Variants in FNDC3A observed in about 807,000 individuals in gnomAD.
FNDC3A encodes the protein fibronectin type III domain containing 3A.
Under a neutral mutation model 148.9 loss-of-function variants are expected in FNDC3A, and 32 were observed. The ratio of observed to expected loss-of-function variants is 0.21; its 90% CI spans 0.16 to 0.29. FNDC3A has a LOEUF of 0.29. FNDC3A is among the 10% of genes least tolerant of loss of function. FNDC3A has a pLI of 1.00. For synonymous variants in FNDC3A, 472 were observed against 473.6 expected (o/e 1.00, Z 0.04); for missense variants, 1,191 against 1,452.8 (o/e 0.82, Z 2.93).
At chr13:49,063,615 C>T (rs1877050019) in intron 2 of FNDC3A, among the ~76,000 whole-genome samples, 1 of 152,066 alleles carries the variant, frequency 6.6e-6, no homozygotes, top group African/African-American at 2.4e-5. Context: ...ATACATTATT[C>T]CTTGTATCAC....
Position 49,174,514 on chromosome 13 carries a change from T to G in FNDC3A, c.1310T>G (p.Met437Arg). ...QFKITKLSPA[M>R]GCKFRLSARN... The stretch of plus-strand genomic sequence containing the variant: ...AAAATTACTAAACTTTCACCAGCAA[T>G]GGGCTGTAAATTCAGACTATCGGCC... Residue 437 changes from methionine (M) to arginine (R), a missense_variant, in exon 12 of 26, where the codon ATG becomes AGG. Physicochemically the swap from Met to Arg is moderately conservative, Grantham distance 91. Transcript: ENST00000492622. 6.2e-7 allele frequency: 1 copy of G among 1,612,764 alleles called. No homozygotes were observed. The highest frequency in any genetic ancestry group is 8.5e-7 in the Non-Finnish European group (1 of 1,178,962).
intron 8 of FNDC3A, among the ~76,000 whole-genome samples, chr13:49,161,644 CATT>C (rs1424936442): frequency 6.6e-6 from 1 of 152,108 alleles, no homozygotes; most frequent in African/African-American, 2.4e-5. Flanking sequence ...TTGATCCTGT[CATT>C]ATGATGTTAG....
At chr13:49,009,358 C>T (rs1170950909) in intron 2 of FNDC3A, among the ~76,000 whole-genome samples, 1 of 152,110 alleles carries the variant, frequency 6.6e-6, no homozygotes, top group Non-Finnish European at 1.5e-5. Flanking sequence ...TTTATTCATT[C>T]ATCTGTTGAA....
chr13:49,174,806 CAA>C lies in FNDC3A; in HGVS notation c.1355+249_1355+250del, dbSNP rs546755865. On this transcript the variant is annotated intron_variant, in intron 12 of 25. Coordinates refer to ENST00000492622, the MANE Select transcript of FNDC3A (RefSeq NM_001079673.2). ...ATATAAATTAGATTTTTATATGTGACAAAGAGATTTTTCTTTTGCTCCTCAGC... is the reference window on the plus strand; with the variant it reads ...ATATAAATTAGATTTTTATATGTGACAGAGATTTTTCTTTTGCTCCTCAGC... 1.2e-3 allele frequency among the ~76,000 whole-genome samples: 182 copies of C among 152,224 alleles called. 1 individual carries two copies. Among genetic ancestry groups the C allele is most frequent in the African/African-American group, 4.2e-3 (173 of 41,560 alleles).
At chr13:49,125,914 G>A (rs1391778163) in intron 4 of FNDC3A, among the ~76,000 whole-genome samples, 1 of 151,962 alleles carries the variant, frequency 6.6e-6, no homozygotes, top group Non-Finnish European at 1.5e-5. Context: ...GTGGTTAAGT[G>A]GTCAGACTAT....
At chr13:49,156,007 G>A (rs1411026000) in intron 8 of FNDC3A, among the ~76,000 whole-genome samples, 4 of 127,518 alleles carry the variant, frequency 3.1e-5, no homozygotes, top group Admixed American at 1.7e-4. Flanking sequence ...TTGATTTGGG[G>A]TGGAGAGTTC....
intron 10 of FNDC3A, among the ~76,000 whole-genome samples, 193 bp from the exon 11 acceptor site, chr13:49,171,850 G>C (rs929068289): frequency 6.6e-6 from 1 of 152,064 alleles, no homozygotes; most frequent in Admixed American, 6.6e-5. Context: ...GTAGCTTCTT[G>C]CTTTCTTTCC....
chr13:49,120,288 G>A (rs1881247676), intron 4 of FNDC3A, among the ~76,000 whole-genome samples: 1 of 152,124 alleles, frequency 6.6e-6, no homozygotes, highest in African/African-American at 2.4e-5. Context: ...ACAAGCAAAT[G>A]CTGAGAGATT....
chr13:49,085,958 C>A (rs1878782346), intron 3 of FNDC3A, among the ~76,000 whole-genome samples: 1 of 151,686 alleles, frequency 6.6e-6, no homozygotes, highest in Admixed American at 6.6e-5. Context: ...TCTCGGCTCA[C>A]TGCAACCTCT....
intron 3 of FNDC3A, among the ~76,000 whole-genome samples, chr13:49,083,757 A>G (rs973903251): frequency 6.6e-6 from 1 of 152,214 alleles, no homozygotes; most frequent in African/African-American, 2.4e-5. Flanking sequence ...AAGAACAGCT[A>G]TGGCTGTATA....
intron 23 of FNDC3A, chr13:49,200,991 G>A (rs1039752050): frequency 6.5e-5 from 10 of 154,050 alleles, no homozygotes; most frequent in African/African-American, 2.4e-4. Flanking sequence ...GAAAAGGCAA[G>A]GCTTATCCAA....
intron 1 of FNDC3A, among the ~76,000 whole-genome samples, chr13:49,005,203 G>A (rs112413036): frequency 6.1e-4 from 93 of 151,812 alleles, no homozygotes; most frequent in Non-Finnish European, 1.1e-3. Context: ...ATCAACTTGT[G>A]AGATTCAGCA....
At chr13:49,062,276 A>G (rs540114267) in intron 2 of FNDC3A, among the ~76,000 whole-genome samples, 72 of 152,310 alleles carry the variant, frequency 4.7e-4, no homozygotes, top group Middle Eastern at 3.4e-3. Context: ...CATGGGTGCT[A>G]ATTGAACTAT....
chr13:49,145,398 G>T (rs1882935188), intron 7 of FNDC3A, among the ~76,000 whole-genome samples: 1 of 152,038 alleles, frequency 6.6e-6, no homozygotes, highest in Admixed American at 6.6e-5. Flanking sequence ...ACATATCTTT[G>T]GATGTCGATG....
chr13:49,153,360 G>A (rs1165295094), intron 8 of FNDC3A, among the ~76,000 whole-genome samples: 2 of 152,076 alleles, frequency 1.3e-5, no homozygotes, highest in Non-Finnish European at 2.9e-5. Flanking sequence ...ACTTTTTGAT[G>A]GGGTTGTTTG....
At chr13:49,146,012 T>A in intron 8 of FNDC3A, 77 bp downstream of exon 8, 1 of 1,130,566 alleles carries the variant, frequency 8.8e-7, no homozygotes, top group Non-Finnish European at 1.3e-6. Flanking sequence ...CTAATTTTGC[T>A]CTACTTTTCC....
chr13:49,136,728 C>T (rs1050737515), intron 6 of FNDC3A, 127 bp downstream of exon 6: 22 of 879,972 alleles, frequency 2.5e-5, no homozygotes, highest in Middle Eastern at 3.5e-4. Context: ...CTGCTGCTTT[C>T]GACAGTTTGG....
intron 11 of FNDC3A, among the ~76,000 whole-genome samples, chr13:49,174,221 C>G (rs554137704): frequency 6.6e-6 from 1 of 152,262 alleles, no homozygotes; most frequent in South Asian, 2.1e-4. Context: ...GTACTTAATT[C>G]AAGAAGCTGT....
chr13:48,990,772 C>T (rs1951901338), intron 1 of FNDC3A, among the ~76,000 whole-genome samples: 1 of 151,862 alleles, frequency 6.6e-6, no homozygotes, highest in Non-Finnish European at 1.5e-5. Flanking sequence ...TAAAAAATGA[C>T]AACATGAGGT....
Sources: gnomAD v4.1 joint callset for allele counts (sites outside exome capture counted in the v4.1 genomes callset) on GRCh38, gnomAD v4.1.1 for gene constraint, MANE v1.5 for transcripts, NCBI Gene and HGNC (gene_info 2026-07-23, HGNC 2026-07-21) for gene names.